ZNHIT6: variants seen among roughly 807,000 people sequenced by gnomAD.
The protein encoded by ZNHIT6 is zinc finger HIT-type containing 6, also known as box C/D snoRNA protein 1.
ZNHIT6 carries 45 observed loss-of-function variants against 57.2 expected under a neutral mutation model. That is an observed-to-expected ratio of 0.79 (90% CI 0.62 to 1.01). ZNHIT6 has a LOEUF of 1.01. ZNHIT6 is among the 50% of genes least tolerant of loss of function. The pLI, the probability that ZNHIT6 is intolerant of heterozygous loss-of-function variation, is 0.00. For missense variants in ZNHIT6, 528 were observed against 567.3 expected (o/e 0.93, Z 0.70); for synonymous variants, 188 against 190.0 (o/e 0.99, Z 0.09).
At chr1:85,700,623 T>C (rs1194094177) in intron 5 of ZNHIT6, among the ~76,000 whole-genome samples, 3 of 152,226 alleles carry the variant, frequency 2.0e-5, no homozygotes, top group Non-Finnish European at 4.4e-5. Flanking sequence ...AACTAATCTC[T>C]GATTACAATC....
chr1:85,706,328 T>C lies in ZNHIT6; in HGVS notation c.750A>G (p.Ala250=), dbSNP rs1392427023. ...CTCGAACTCCATTACATGTCAGTTCTGCTTTGTGTTTCTTTACACAGGGCA... is the reference window on the plus strand; with the variant it reads ...CTCGAACTCCATTACATGTCAGTTCCGCTTTGTGTTTCTTTACACAGGGCA... ...CSLPCVKKHK[A]ELTCNGVRDK... The change falls in exon 3 of 10, where the codon GCA becomes GCG. Residue 250 remains alanine, a synonymous_variant. Coordinates refer to ENST00000370574, the MANE Select transcript of ZNHIT6 (RefSeq NM_017953.4). 6.2e-7 allele frequency: 1 copy of C among 1,613,896 alleles called. No individual in the cohort carries two copies.
At position 85,706,913 on chromosome 1, in the gene ZNHIT6, C is replaced by T. The variant is rs574659117; in HGVS notation, c.657-406G>A. Among the ~76,000 whole-genome samples the T allele has an allele frequency of 2.8e-3, 422 of 152,184 alleles. 2 individuals are homozygous for T. Among genetic ancestry groups the T allele is most frequent in the African/African-American group, 9.5e-3 (395 of 41,504 alleles). The stretch of plus-strand genomic sequence containing the variant: ...CACACACCAGACAAAGAATATAAGG[C>T]CAAGTGAAATTTAGAGAGTAGTAGT... On this transcript the variant is annotated intron_variant, in intron 1 of 9. Transcript: ENST00000370574.
chr1:85,691,323 CTGTT>C (rs1662212529), intron 5 of ZNHIT6, among the ~76,000 whole-genome samples: 1 of 152,174 alleles, frequency 6.6e-6, no homozygotes, highest in South Asian at 2.1e-4. Flanking sequence ...ATGACTTACT[CTGTT>C]TTGTTTAATG....
Position 85,708,377 on chromosome 1 carries a change from CG to C in ZNHIT6, c.-94del, listed in dbSNP as rs1662760779. 4 of 1,471,838 alleles carry C rather than the reference CG, an allele frequency of 2.7e-6. No homozygotes were observed. The highest frequency in any genetic ancestry group is 2.7e-6 in the Non-Finnish European group (3 of 1,107,074). The allele number at this position is 1,471,838 out of a possible 1,614,324, so 91.2% of individuals were successfully genotyped here. A position where few individuals can be genotyped will look rare whatever the true frequency, so the allele number is the denominator to read the frequency against. On this transcript the variant is annotated 5_prime_UTR_variant, in exon 1 of 10. Coordinates refer to ENST00000370574, the MANE Select transcript of ZNHIT6 (RefSeq NM_017953.4). ...GAATTACCGGTCGGAATACCTACGG[CG>C]GCCCACGTGTGGAGCCAAGCAGCCA...
rs1414046634 is a variant in ZNHIT6, at chr1:85,708,391, A to C, written c.-107T>G. ...AATACCTACGGCGGCCCACGTGTGG[A>C]GCCAAGCAGCCACAAACCCGGAATA... On this transcript the variant is annotated 5_prime_UTR_variant, in exon 1 of 10. Coordinates refer to ENST00000370574, the MANE Select transcript of ZNHIT6 (RefSeq NM_017953.4). 10 of 1,387,246 alleles carry C rather than the reference A, an allele frequency of 7.2e-6. No homozygotes were observed. The South Asian group carries it at 1.4e-4, about 20-fold the overall frequency. 85.9% of individuals were successfully genotyped at this position (1,387,246 alleles called of 1,614,324 possible).
intron 5 of ZNHIT6, among the ~76,000 whole-genome samples, chr1:85,701,147 G>A (rs934774307): frequency 7.9e-5 from 12 of 152,234 alleles, no homozygotes; most frequent in Admixed American, 6.5e-4. Context: ...AATGGAAAAC[G>A]TCATCTTCTA....
chr1:85,687,715 A>G (rs1261592151), intron 5 of ZNHIT6, among the ~76,000 whole-genome samples: 1 of 152,140 alleles, frequency 6.6e-6, no homozygotes, highest in Non-Finnish European at 1.5e-5. Flanking sequence ...TGTCAATTCA[A>G]ATATGCTTAA....
rs574178042 is a variant in ZNHIT6 at position 85,677,050 on chromosome 1, C to T, written c.1247+186G>A. Among the ~76,000 whole-genome samples the T allele has an allele frequency of 1.2e-4, 19 of 152,202 alleles. No homozygotes were observed. The South Asian group carries it at 3.3e-3, about 27-fold the overall frequency. ...GTTGACGGAAAATAAAATATTCTAA[C>T]CAGGGTGATTTTTCAACCCAATTTA... On this transcript the variant is annotated intron_variant, in intron 8 of 9. Transcript: ENST00000370574.
intron 5 of ZNHIT6, among the ~76,000 whole-genome samples, chr1:85,693,845 G>A (rs527416941): frequency 9.8e-5 from 15 of 152,302 alleles, no homozygotes; most frequent in South Asian, 2.1e-4. Context: ...GGGGCTGGGC[G>A]TGGGGGCTGA....
intron 8 of ZNHIT6, among the ~76,000 whole-genome samples, chr1:85,676,517 A>G (rs1661709287): frequency 1.3e-5 from 2 of 152,136 alleles, no homozygotes; most frequent in Non-Finnish European, 2.9e-5. Context: ...AAGCTTAATC[A>G]TTCCACTTTT....
At chr1:85,656,164 T>C (rs1354322255) in intron 9 of ZNHIT6, among the ~76,000 whole-genome samples, 2 of 152,180 alleles carry the variant, frequency 1.3e-5, no homozygotes, top group Admixed American at 6.5e-5. Flanking sequence ...TTGAAGTACT[T>C]ACAGAAAGAA....
chr1:85,701,985 A>G (rs1177417764), intron 5 of ZNHIT6, among the ~76,000 whole-genome samples, 172 bp downstream of exon 5: 1 of 151,924 alleles, frequency 6.6e-6, no homozygotes, highest in Admixed American at 6.6e-5. Flanking sequence ...GCAAACCCAA[A>G]TTTTTATTAG....
chr1:85,680,118 T>C (rs1009088009), intron 6 of ZNHIT6, among the ~76,000 whole-genome samples: 1 of 152,098 alleles, frequency 6.6e-6, no homozygotes, highest in Non-Finnish European at 1.5e-5. Context: ...GGTAGGAGGA[T>C]CACCTGAGCC....
chr1:85,666,343 T>C (rs755905337), intron 8 of ZNHIT6, among the ~76,000 whole-genome samples: 2 of 152,202 alleles, frequency 1.3e-5, no homozygotes, highest in Non-Finnish European at 2.9e-5. Context: ...CAAGGATAGG[T>C]AAGTTTAGTA....
At chr1:85,671,239 T>A (rs942729332) in intron 8 of ZNHIT6, among the ~76,000 whole-genome samples, 1 of 152,182 alleles carries the variant, frequency 6.6e-6, no homozygotes, top group Non-Finnish European at 1.5e-5. Flanking sequence ...CCCTTGTGTT[T>A]AGTGGTGAGT....
intron 5 of ZNHIT6, among the ~76,000 whole-genome samples, chr1:85,697,106 G>A (rs1185563554): frequency 6.6e-6 from 1 of 151,538 alleles, no homozygotes; most frequent in Non-Finnish European, 1.5e-5. Flanking sequence ...TCCTGACCTC[G>A]TGATCCACCT....
At chr1:85,693,788 A>C (rs941035035) in intron 5 of ZNHIT6, among the ~76,000 whole-genome samples, 1 of 152,166 alleles carries the variant, frequency 6.6e-6, no homozygotes, top group Non-Finnish European at 1.5e-5. Context: ...TTCTAAAATA[A>C]ATGTCAACTT....
intron 4 of ZNHIT6, among the ~76,000 whole-genome samples, chr1:85,702,914 A>G (rs1195676286): frequency 2.6e-5 from 4 of 152,202 alleles, no homozygotes; most frequent in Non-Finnish European, 4.4e-5. Context: ...GTCAAGGAAG[A>G]AGAAAGATCA....
rs982338180 is a variant in ZNHIT6, at chr1:85,652,613, T to C, written c.*1445A>G. On this transcript the variant is annotated 3_prime_UTR_variant, in exon 10 of 10. Coordinates refer to ENST00000370574, the MANE Select transcript of ZNHIT6 (RefSeq NM_017953.4). ...CTTCTCCAGTTTCTACCCCAAGTTA[T>C]ACTTGTGTCCCACAAATTTATCTTC... The C allele has an allele frequency of 6.6e-6, 1 of 152,356 alleles. No individual in the cohort carries two copies. The highest frequency in any genetic ancestry group is 6.5e-5 in the Admixed American group (1 of 15,298). The allele number at this position is 152,356 out of a possible 1,614,324, so 9.4% of individuals were successfully genotyped here. A position where few individuals can be genotyped will look rare whatever the true frequency, so the allele number is the denominator to read the frequency against.
Sources: gnomAD v4.1 joint callset for allele counts (sites outside exome capture counted in the v4.1 genomes callset) on GRCh38, gnomAD v4.1.1 for gene constraint, MANE v1.5 for transcripts, NCBI Gene and HGNC (gene_info 2026-07-23, HGNC 2026-07-21) for gene names.